CPVL: variants seen among roughly 807,000 people sequenced by gnomAD.
CPVL encodes carboxypeptidase vitellogenic like.
In CPVL, 51 loss-of-function variants were observed where a neutral mutation model predicts 63.7. The observed-to-expected ratio is 0.80, with a 90% CI of 0.64 to 1.01. The LOEUF is 1.01. CPVL is among the 50% of genes least tolerant of loss of function. The probability of loss-of-function intolerance (pLI) is 0.00; values close to 1 mark genes in which losing one functional copy is unlikely to be tolerated. For synonymous variants in CPVL, 195 were observed against 206.0 expected, an observed-to-expected ratio of 0.95 and a Z score of 0.46; for missense variants, 530 against 573.1, an observed-to-expected ratio of 0.92 and a Z score of 0.77.
intron 12 of CPVL, among the ~76,000 whole-genome samples, chr7:28,997,059 GTCTCTGT>G (rs1784154555): frequency 6.6e-6 from 1 of 152,172 alleles, no homozygotes. Context: ...AAGGGGACTG[GTCTCTGT>G]ACTCGTTAAG....
chr7:29,119,823 A>G (rs560800973), intron 2 of CPVL, among the ~76,000 whole-genome samples: 1 of 152,296 alleles, frequency 6.6e-6, no homozygotes, highest in African/African-American at 2.4e-5. Context: ...CCTACACACC[A>G]GCTGATATCT....
At chr7:29,125,478 C>A (rs976164517) in intron 1 of CPVL, among the ~76,000 whole-genome samples, 10 of 151,068 alleles carry the variant, frequency 6.6e-5, no homozygotes, top group African/African-American at 2.4e-4. Context: ...CTACAACCTC[C>A]GCCTCCTCGG....
upstream of CPVL, among the ~76,000 whole-genome samples, chr7:29,148,062 C>T (rs1173823594): frequency 6.6e-6 from 1 of 152,222 alleles, no homozygotes; most frequent in Non-Finnish European, 1.5e-5. Context: ...ACCTCTTGGG[C>T]ACAAGAGTAT....
chr7:29,139,953 C>A (rs562652235), intron 1 of CPVL, among the ~76,000 whole-genome samples: 1 of 152,176 alleles, frequency 6.6e-6, no homozygotes, highest in African/African-American at 2.4e-5. Context: ...CTGCCATTTC[C>A]CCTTTTGTCA....
At chr7:29,124,504 A>T (rs542675983) in intron 1 of CPVL, among the ~76,000 whole-genome samples, 9 of 152,166 alleles carry the variant, frequency 5.9e-5, no homozygotes, top group Non-Finnish European at 1.3e-4. Context: ...ACTAAACCTT[A>T]AATATTAAAG....
intron 10 of CPVL, among the ~76,000 whole-genome samples, chr7:29,064,529 C>T (rs971340487): frequency 6.6e-6 from 1 of 152,086 alleles, no homozygotes; most frequent in African/African-American, 2.4e-5. Flanking sequence ...CCATTAGCAA[C>T]CCCACTAGAG....
chr7:29,141,636 G>C (rs1278898222), intron 1 of CPVL, among the ~76,000 whole-genome samples: 1 of 151,826 alleles, frequency 6.6e-6, no homozygotes, highest in African/African-American at 2.4e-5. Flanking sequence ...CTGTACCTTG[G>C]CCGGGCGTTG....
intron 10 of CPVL, 35 bp downstream of exon 10, chr7:29,065,988 A>G (rs759169060): frequency 7.5e-7 from 1 of 1,337,990 alleles, no homozygotes; most frequent in Non-Finnish European, 1.1e-6. Context: ...AAAAGTTTTA[A>G]GCAAACATTA....
At chr7:29,139,397 G>A (rs1411926206) in intron 1 of CPVL, among the ~76,000 whole-genome samples, 1 of 152,016 alleles carries the variant, frequency 6.6e-6, no homozygotes, top group Non-Finnish European at 1.5e-5. Flanking sequence ...ACTGCTTCAG[G>A]CTTTGAGTCA....
intron 1 of CPVL, among the ~76,000 whole-genome samples, chr7:29,189,751 G>C (rs1782648974): frequency 1.3e-5 from 2 of 151,876 alleles, no homozygotes; most frequent in Admixed American, 1.3e-4. Flanking sequence ...CGGATGGCAT[G>C]CCTTAAGTGC....
At chr7:29,073,191 A>G (rs1333441399) in intron 7 of CPVL, among the ~76,000 whole-genome samples, 1 of 152,046 alleles carries the variant, frequency 6.6e-6, no homozygotes, top group Non-Finnish European at 1.5e-5. Context: ...CCTCCCTTTC[A>G]TCTCATGTTA....
intron 5 of CPVL, among the ~76,000 whole-genome samples, chr7:29,178,043 A>G (rs1212613650): frequency 6.6e-6 from 1 of 152,132 alleles, no homozygotes; most frequent in African/African-American, 2.4e-5. Flanking sequence ...ATGATTGTTT[A>G]TCTCATGCCT....
rs546657522 is a variant in CPVL at position 29,044,461 on chromosome 7, CT to C, written c.1138-13703del. 3.0e-3 allele frequency among the ~76,000 whole-genome samples: 457 copies of C among 152,108 alleles called. 1 individual carries two copies. Among genetic ancestry groups the C allele is most frequent in the Non-Finnish European group, 5.1e-3 (347 of 67,966 alleles). On this transcript the variant is annotated intron_variant, in intron 11 of 12. Coordinates refer to ENST00000265394, the MANE Select transcript of CPVL (RefSeq NM_031311.5). ...GAGTCAGCAAAGCTTATTTTATTTC[CT>C]TTTGTTTTAAATTAAAAAATTAAAC...
rs181356007 is a variant in CPVL at position 29,138,908 on chromosome 7, A to G, written c.-11+7521T>C. Reference sequence around the variant, plus strand: ...TTCAGCACAAGGCCAAATATTTCAGAGGCCTCTTCCCACTTCTCCCAACCT... The same window carrying G: ...TTCAGCACAAGGCCAAATATTTCAGGGGCCTCTTCCCACTTCTCCCAACCT... On this transcript the variant is annotated intron_variant, in intron 1 of 12. Transcript: ENST00000265394. Among the ~76,000 whole-genome samples, 176 of 152,318 alleles carry G rather than the reference A, an allele frequency of 1.2e-3. 1 individual carries two copies. The highest frequency in any genetic ancestry group is 3.9e-3 in the African/African-American group (162 of 41,586).
intron 1 of CPVL, among the ~76,000 whole-genome samples, chr7:29,136,160 G>A (rs369805754): frequency 6.6e-6 from 1 of 152,290 alleles, no homozygotes; most frequent in South Asian, 2.1e-4. Flanking sequence ...TGTCCTCAAG[G>A]AAGAAATATA....
intron 1 of CPVL, among the ~76,000 whole-genome samples, chr7:29,136,788 A>C (rs1791271344): frequency 6.6e-6 from 1 of 152,204 alleles, no homozygotes; most frequent in Non-Finnish European, 1.5e-5. Context: ...TCCTTCCCTA[A>C]ACTTGTCCTT....
chr7:29,121,581 C>T (rs375190165), intron 1 of CPVL, among the ~76,000 whole-genome samples: 12 of 152,222 alleles, frequency 7.9e-5, no homozygotes, highest in African/African-American at 2.4e-4. Flanking sequence ...CACAGAAGGG[C>T]AGAGGATTGA....
chr7:29,093,782 G>A (rs921537204), intron 5 of CPVL, among the ~76,000 whole-genome samples: 1 of 152,214 alleles, frequency 6.6e-6, no homozygotes, highest in African/African-American at 2.4e-5. Flanking sequence ...ACACAGTTAT[G>A]GATGAGGAAA....
intron 11 of CPVL, among the ~76,000 whole-genome samples, chr7:29,051,477 C>T (rs901886553): frequency 6.6e-6 from 1 of 151,930 alleles, no homozygotes; most frequent in African/African-American, 2.4e-5. Flanking sequence ...TACAAATGGC[C>T]AACAAATATA....
Sources: allele counts gnomAD v4.1 joint callset (sites outside exome capture counted in the v4.1 genomes callset), GRCh38; gene constraint gnomAD v4.1.1; transcripts MANE v1.5; gene names NCBI Gene and HGNC (gene_info 2026-07-23, HGNC 2026-07-21).